DOCK3: variants seen among roughly 807,000 people sequenced by gnomAD.
DOCK3 encodes dedicator of cytokinesis protein 3.
In DOCK3, 60 loss-of-function variants were observed where a neutral mutation model predicts 265.6. That is an observed-to-expected ratio of 0.23 (90% CI 0.18 to 0.28). The LOEUF is 0.28. Among genes scored for constraint, DOCK3 ranks in the 10% least tolerant of loss-of-function variants. DOCK3 has a pLI of 1.00. For missense variants in DOCK3, 1,981 were observed against 2,594.3 expected, an observed-to-expected ratio of 0.76 and a Z score of 5.14; for synonymous variants, 881 against 938.0, an observed-to-expected ratio of 0.94 and a Z score of 1.11.
chr3:51,029,010 A>T (rs2079929459), intron 5 of DOCK3, among the ~76,000 whole-genome samples: 1 of 152,090 alleles, frequency 6.6e-6, no homozygotes, highest in South Asian at 2.1e-4. Flanking sequence ...TCTTGTGCTG[A>T]TTCCTTTTCA....
Position 51,357,807 on chromosome 3 carries a change from A to G in DOCK3, c.4733A>G (p.Lys1578Arg). 6.2e-7 allele frequency: 1 copy of G among 1,614,020 alleles called. No individual in the cohort carries two copies. Among genetic ancestry groups the G allele is most frequent in the Non-Finnish European group, 8.5e-7 (1 of 1,179,886 alleles). ...AACAAGCACCCAGGAGATGCTGAGA[A>G]GATCACCCAGCTCAAGGAGCTTATG... The part of the protein sequence containing the change: ...YINKHPGDAE[K>R]ITQLKELMQE... The change falls in exon 45 of 53, where the codon AAG becomes AGG. Residue 1578 changes from lysine to arginine, a missense_variant. Physicochemically the swap from Lys to Arg is conservative, Grantham distance 26 (BLOSUM62 2). Coordinates refer to ENST00000266037, the MANE Select transcript of DOCK3 (RefSeq NM_004947.5).
chr3:51,043,633 G>T (rs1479623175), intron 5 of DOCK3, among the ~76,000 whole-genome samples: 1 of 149,982 alleles, frequency 6.7e-6, no homozygotes, highest in Non-Finnish European at 1.5e-5. Context: ...AACTGAATGG[G>T]GTAAACAGAC....
intron 9 of DOCK3, among the ~76,000 whole-genome samples, chr3:51,131,391 C>G (rs2084530918): frequency 6.6e-6 from 1 of 152,114 alleles, no homozygotes; most frequent in African/African-American, 2.4e-5. Flanking sequence ...TGGTAAAAGG[C>G]CGGAGGTCTC....
intron 5 of DOCK3, among the ~76,000 whole-genome samples, chr3:50,946,560 A>G (rs1408583863): frequency 6.6e-6 from 1 of 152,194 alleles, no homozygotes; most frequent in Non-Finnish European, 1.5e-5. Context: ...TTGTTAAAAG[A>G]TCTCAGAACT....
chr3:51,117,322 TG>T (rs1054157851), intron 9 of DOCK3, among the ~76,000 whole-genome samples: 2 of 152,154 alleles, frequency 1.3e-5, no homozygotes, highest in African/African-American at 4.8e-5. Flanking sequence ...CTGACTTGAT[TG>T]TGGTGGATAA....
intron 12 of DOCK3, among the ~76,000 whole-genome samples, chr3:51,182,376 A>G (rs2107742609): frequency 6.6e-6 from 1 of 152,326 alleles, no homozygotes. Context: ...AGGTTGGTGC[A>G]AAAGTAATTG....
intron 2 of DOCK3, among the ~76,000 whole-genome samples, chr3:50,800,690 TCTTTA>T (rs2043025671): frequency 6.6e-6 from 1 of 152,172 alleles, no homozygotes; most frequent in Non-Finnish European, 1.5e-5. Flanking sequence ...CATTATTATT[TCTTTA>T]CTTCTGCTAA....
intron 1 of DOCK3, among the ~76,000 whole-genome samples, chr3:50,712,266 A>G (rs2036822619): frequency 6.6e-6 from 1 of 151,960 alleles, no homozygotes; most frequent in South Asian, 2.1e-4. Context: ...GAAATTTTTC[A>G]TCTTTTTTAT....
chr3:51,111,398 A>G (rs1222869802), intron 9 of DOCK3, among the ~76,000 whole-genome samples: 1 of 152,250 alleles, frequency 6.6e-6, no homozygotes. Context: ...GACCAGTGGA[A>G]CAGAATAGAG....
intron 10 of DOCK3, among the ~76,000 whole-genome samples, chr3:51,158,507 G>A (rs983888543): frequency 2.0e-5 from 3 of 152,082 alleles, no homozygotes; most frequent in Non-Finnish European, 4.4e-5. Context: ...TCGCACCACT[G>A]CACTCCATCC....
At chr3:50,926,627 C>T (rs1184788174) in intron 4 of DOCK3, among the ~76,000 whole-genome samples, 2 of 152,158 alleles carry the variant, frequency 1.3e-5, no homozygotes, top group African/African-American at 2.4e-5. Flanking sequence ...AGGGAATTAG[C>T]ATGGGTGCCC....
chr3:50,794,153 T>G (rs1471422894), intron 2 of DOCK3, among the ~76,000 whole-genome samples: 1 of 152,180 alleles, frequency 6.6e-6, no homozygotes, highest in Non-Finnish European at 1.5e-5. Context: ...TGTGTCCGAG[T>G]ATGTGGTCAA....
At chr3:51,366,801 G>C (rs75135928) in intron 49 of DOCK3, among the ~76,000 whole-genome samples, 11,241 of 152,246 alleles carry the variant, frequency 0.074, 985 homozygotes, top group East Asian at 0.33. Context: ...GAGTGGTTTT[G>C]AGTGAGTTTC....
chr3:50,953,627 T>G (rs2076651435), intron 5 of DOCK3, among the ~76,000 whole-genome samples: 1 of 152,110 alleles, frequency 6.6e-6, no homozygotes, highest in African/African-American at 2.4e-5. Context: ...TGTATACAAA[T>G]ACATAGATAG....
intron 40 of DOCK3, among the ~76,000 whole-genome samples, chr3:51,352,336 CCT>C (rs1491260967): frequency 5.9e-5 from 9 of 152,110 alleles, no homozygotes; most frequent in African/African-American, 2.2e-4. Flanking sequence ...CCTGGTATCC[CCT>C]GTTTCTGTTC....
chr3:50,880,977 G>C (rs1357145815), intron 3 of DOCK3, among the ~76,000 whole-genome samples: 1 of 152,084 alleles, frequency 6.6e-6, no homozygotes, highest in African/African-American at 2.4e-5. Flanking sequence ...TTCAACATAT[G>C]CAAATCAATA....
At chr3:51,098,460 G>C (rs939740832) in intron 9 of DOCK3, among the ~76,000 whole-genome samples, 3 of 152,140 alleles carry the variant, frequency 2.0e-5, no homozygotes, top group Non-Finnish European at 4.4e-5. Flanking sequence ...GAAATAGAGG[G>C]CTCTCCCTGA....
intron 27 of DOCK3, among the ~76,000 whole-genome samples, chr3:51,287,207 G>A (rs2081455575): frequency 6.6e-6 from 1 of 152,162 alleles, no homozygotes; most frequent in South Asian, 2.1e-4. Context: ...ATGAAAAAAT[G>A]TTCAACATCA....
intron 5 of DOCK3, among the ~76,000 whole-genome samples, chr3:50,936,863 T>G (rs2051391312): frequency 6.6e-6 from 1 of 152,210 alleles, no homozygotes; most frequent in South Asian, 2.1e-4. Flanking sequence ...ACATTAGGAA[T>G]GAAGAAAGCA....
Sources: gnomAD v4.1 joint callset for allele counts (sites outside exome capture counted in the v4.1 genomes callset) on GRCh38, gnomAD v4.1.1 for gene constraint, MANE v1.5 for transcripts, NCBI Gene and HGNC (gene_info 2026-07-23, HGNC 2026-07-21) for gene names.